Variants in PPP1R10 observed in about 807,000 individuals in gnomAD.
The protein encoded by PPP1R10 is protein phosphatase 1 regulatory subunit 10.
PPP1R10 carries 15 observed loss-of-function variants against 99.0 expected under a neutral mutation model. The ratio of observed to expected loss-of-function variants is 0.15; its 90% CI spans 0.10 to 0.23. The LOEUF (loss-of-function observed/expected upper bound fraction) is 0.23. Among genes scored for constraint, PPP1R10 ranks in the 10% least tolerant of loss-of-function variants. The probability of loss-of-function intolerance (pLI) is 1.00; values close to 1 mark genes in which losing one functional copy is unlikely to be tolerated. For synonymous variants in PPP1R10, 430 were observed against 449.5 expected (o/e 0.96, Z 0.55); for missense variants, 947 against 1,259.4 (o/e 0.75, Z 3.75).
chr6:30,604,308 C>CA lies in PPP1R10; in HGVS notation c.1261+44dup. 1 of 1,613,646 alleles carries CA rather than the reference C, an allele frequency of 6.2e-7. No homozygotes were observed. The highest frequency in any genetic ancestry group is 8.5e-7 in the Non-Finnish European group (1 of 1,179,576). Reference sequence around the variant, plus strand: ...GAAAGTAAGCACAACCAAGTCCTTTCAAAATCCCTTAAACACACCTATTAC... The same window carrying CA: ...GAAAGTAAGCACAACCAAGTCCTTTCAAAAATCCCTTAAACACACCTATTAC... On this transcript the variant is annotated intron_variant, in intron 13 of 19. Coordinates refer to ENST00000376511, the MANE Select transcript of PPP1R10 (RefSeq NM_002714.4). This position sits in a 1 kb window ranked among gnomAD's most constrained non-coding sequence, Gnocchi z 7.3.
chr6:30,606,033 T>A lies in PPP1R10; in HGVS notation c.743A>T (p.Asn248Ile). The change falls in exon 10 of 20, where the codon AAC becomes ATC. Residue 248 changes from asparagine to isoleucine, a missense_variant and splice_region_variant. Physicochemically the swap from Asn to Ile is moderately radical, Grantham distance 149 (BLOSUM62 -3). Coordinates refer to ENST00000376511, the MANE Select transcript of PPP1R10 (RefSeq NM_002714.4). The surrounding 1 kb of genome is among the most constrained non-coding windows in gnomAD (Gnocchi z 6.3). ...AGTGGCATCTCCTGGAGCAGCTACG[T>A]TGCTGTCAGAAGAGGAACTGTCATC... ...LKPIPLKRQS[N>I]VAAPGDATPP... 6.2e-7 allele frequency: 1 copy of A among 1,613,970 alleles called. No individual in the cohort carries two copies. The highest frequency in any genetic ancestry group is 1.1e-5 in the South Asian group (1 of 91,078).
Position 30,603,464 on chromosome 6 carries a change from G to A in PPP1R10, c.1767+8C>T, listed in dbSNP as rs1803586100. ...CAGAAGGTGGAAAAGGGGAAGGAGG[G>A]TGCGTACCATGATGGAGGTGAGGAT... On this transcript the variant is annotated splice_region_variant and intron_variant, in intron 16 of 19. Transcript: ENST00000376511. 6.2e-7 allele frequency: 1 copy of A among 1,604,484 alleles called. No individual in the cohort carries two copies. Among genetic ancestry groups the A allele is most frequent in the Non-Finnish European group, 8.5e-7 (1 of 1,174,462 alleles).
chr6:30,602,209 G>A lies in PPP1R10; in HGVS notation c.2440C>T (p.Arg814Cys), dbSNP rs1241814266. ...CCTCCGCCAGGGCCTTCATGGGGAC[G>A]ATGGCCACTGCCACCACTGATGCCA... is the stretch of plus-strand genomic sequence containing the variant. ...GGGISGGSGH[R>C]PHEGPGGGMG... Residue 814 changes from arginine to cysteine, a missense_variant, in exon 19 of 20, where the codon CGT (arginine) becomes TGT (cysteine). By Grantham distance (180) the Arg-to-Cys change is radical. This residue lies in a region of PPP1R10 where 525 missense variants were observed against 578.8 expected (regional missense o/e 0.91). Coordinates refer to ENST00000376511, the MANE Select transcript of PPP1R10 (RefSeq NM_002714.4). This position sits in a 1 kb window ranked among gnomAD's most constrained non-coding sequence, Gnocchi z 6.7. 2.9e-5 allele frequency: 46 copies of A among 1,610,532 alleles called. No homozygotes were observed. The East Asian group carries it at 7.6e-4, about 27-fold the overall frequency.
chr6:30,610,117 T>C (rs539031816), intron 2 of PPP1R10, among the ~76,000 whole-genome samples, 162 bp from the exon 3 acceptor site: 1 of 152,250 alleles, frequency 6.6e-6, no homozygotes, highest in African/African-American at 2.4e-5. Flanking sequence ...CACAGACCAC[T>C]TGCCACTACT....
In PPP1R10 at chr6:30,606,950, T is replaced by C. The variant is rs1804014893; in HGVS notation, c.383-94A>G. On this transcript the variant is annotated intron_variant, in intron 6 of 19. Coordinates refer to ENST00000376511, the MANE Select transcript of PPP1R10 (RefSeq NM_002714.4). This position sits in a 1 kb window ranked among gnomAD's most constrained non-coding sequence, Gnocchi z 6.3. ...GAGGTTTGAGAAAATATTGTGAAAA[T>C]TTATGTAACGGAGAAAGTAACCCAA... 8.5e-7 allele frequency: 1 copy of C among 1,170,080 alleles called. No individual in the cohort carries two copies. The highest frequency in any genetic ancestry group is 1.2e-6 in the Non-Finnish European group (1 of 806,814). 72.5% of individuals were successfully genotyped at this position (1,170,080 alleles called of 1,614,324 possible).
intron 17 of PPP1R10, 94 bp downstream of exon 17, chr6:30,603,116 G>A (rs1479829922): frequency 2.0e-6 from 3 of 1,478,402 alleles, no homozygotes; most frequent in Non-Finnish European, 2.8e-6. Context: ...AGTGGCCACA[G>A]CCCTGTATTC....
In PPP1R10 at chr6:30,605,914, T is replaced by C; in HGVS notation, c.853+9A>G. On this transcript the variant is annotated intron_variant, in intron 10 of 19. Transcript: ENST00000376511. ...AATTCAAAGTACATCTTCCCCACTT[T>C]AGACTCACGCTGTGGCGGGATGATC... The C allele has an allele frequency of 6.2e-7, 1 of 1,607,240 alleles. No homozygotes were observed. The highest frequency in any genetic ancestry group is 8.5e-7 in the Non-Finnish European group (1 of 1,174,074).
chr6:30,616,290 A>T (rs552358067), intron 2 of PPP1R10, among the ~76,000 whole-genome samples, 188 bp downstream of exon 2: 47 of 152,312 alleles, frequency 3.1e-4, no homozygotes, highest in African/African-American at 1.1e-3. Flanking sequence ...GATAGGTGGT[A>T]GGGGAGAGAG....
rs754751836 is a variant in PPP1R10 at position 30,602,161 on chromosome 6, G to A, written c.2488C>T (p.Arg830Cys). The change falls in exon 19 of 20, where the codon CGC becomes TGC. Residue 830 changes from arginine to cysteine, a missense_variant. Coordinates refer to ENST00000376511, the MANE Select transcript of PPP1R10 (RefSeq NM_002714.4). The surrounding 1 kb of genome is among the most constrained non-coding windows in gnomAD (Gnocchi z 6.7). The stretch of plus-strand genomic sequence containing the variant: ...CTTCCGCCAGGGCCTTCGTGGGGGC[G>A]ATGTCCACCACCGGCACCCATTCCT... ...GGGMGAGGGH[R>C]PHEGPGGSMG... 35 of 1,610,478 alleles carry A rather than the reference G, an allele frequency of 2.2e-5. No homozygotes were observed. The South Asian group carries it at 2.6e-4, about 12-fold the overall frequency.
rs1025007119 is a variant in PPP1R10, at chr6:30,601,984, C to T, written c.2665G>A (p.Gly889Arg). 7 of 1,513,778 alleles carry T rather than the reference C, an allele frequency of 4.6e-6. No individual in the cohort carries two copies. Among genetic ancestry groups the T allele is most frequent in the South Asian group, 2.7e-5 (2 of 74,946 alleles). 93.8% of individuals were successfully genotyped at this position (1,513,778 alleles called of 1,614,324 possible). A position where few individuals can be genotyped will look rare whatever the true frequency, so the allele number is the denominator to read the frequency against. The change falls in exon 19 of 20, where the codon GGG becomes AGG. Residue 889 changes from glycine (G) to arginine (R), a missense_variant. Physicochemically the swap from Gly to Arg is moderately radical, Grantham distance 125. Around this residue, in one of 10 missense-constraint regions of PPP1R10, gnomAD observed 525 missense variants for 578.8 expected, o/e 0.91. Transcript: ENST00000376511. Reference sequence around the variant, plus strand: ...TCGTGCCCTCGGTGGCCCCCTCCCCCGTGGCCAGGACCATCATGGCCACGG... The same window carrying T: ...TCGTGCCCTCGGTGGCCCCCTCCCCTGTGGCCAGGACCATCATGGCCACGG... Reference protein sequence around the residue: ...EHRGHDGPGHGGGGHRGHDGG... With the variant: ...EHRGHDGPGHRGGGHRGHDGG...
chr6:30,610,656 G>A (rs1437054553), intron 2 of PPP1R10, among the ~76,000 whole-genome samples: 2 of 152,184 alleles, frequency 1.3e-5, no homozygotes, highest in African/African-American at 4.8e-5. Context: ...TCACTCATTA[G>A]CCAAACACTA....
Position 30,603,811 on chromosome 6 carries a change from G to C in PPP1R10, c.1541C>G (p.Pro514Arg). 6.5e-7 allele frequency: 1 copy of C among 1,539,852 alleles called. No homozygotes were observed. Among genetic ancestry groups the C allele is most frequent in the Non-Finnish European group, 8.7e-7 (1 of 1,145,282 alleles). ...TAGGGGGATGAGTTTAGGGGGTATG[G>C]GCTCGTAGGGCTCAGGATCAGGCTC... is the stretch of plus-strand genomic sequence containing the variant. ...PHEPDPEPYE[P>R]IPPKLIPLDE... The change falls in exon 15 of 20, where the codon CCC becomes CGC. Residue 514 changes from proline (P) to arginine (R), a missense_variant. By Grantham distance (103) the Pro-to-Arg change is moderately radical. Coordinates refer to ENST00000376511, the MANE Select transcript of PPP1R10 (RefSeq NM_002714.4).
At chr6:30,608,658 ATTTT>A in intron 5 of PPP1R10, 117 bp downstream of exon 5, 1 of 1,260,286 alleles carries the variant, frequency 7.9e-7, no homozygotes, top group Non-Finnish European at 1.1e-6. Flanking sequence ...CTAAATTCCT[ATTTT>A]TTTTCTGCTG....
intron 19 of PPP1R10, 132 bp downstream of exon 19, chr6:30,601,804 T>C: frequency 7.6e-7 from 1 of 1,317,242 alleles, no homozygotes; most frequent in Non-Finnish European, 1.0e-6. Flanking sequence ...GGAACTGCTA[T>C]GCATACTAGG....
intron 2 of PPP1R10, among the ~76,000 whole-genome samples, chr6:30,614,078 A>G (rs572929343): frequency 2.0e-5 from 3 of 152,296 alleles, no homozygotes; most frequent in Non-Finnish European, 4.4e-5. Flanking sequence ...TTAAAATTAT[A>G]TGGAGAGTCT....
At position 30,601,996 on chromosome 6, in the gene PPP1R10, C is replaced by T. The variant is rs1034119939; in HGVS notation, c.2653G>A (p.Gly885Ser). Residue 885 changes from glycine (G) to serine (S), a missense_variant, in exon 19 of 20, where the codon GGT (glycine) becomes AGT (serine). Transcript: ENST00000376511. Reference sequence around the variant, plus strand: ...TGGCCCCCTCCCCCGTGGCCAGGACCATCATGGCCACGGTGCTCATGAGGT... The same window carrying T: ...TGGCCCCCTCCCCCGTGGCCAGGACTATCATGGCCACGGTGCTCATGAGGT... ...PPPHEHRGHD[G>S]PGHGGGGHRG... 6.6e-7 allele frequency: 1 copy of T among 1,518,060 alleles called. No homozygotes were observed. 94.0% of individuals were successfully genotyped at this position (1,518,060 alleles called of 1,614,324 possible).
Position 30,609,462 on chromosome 6 carries a change from T to C in PPP1R10, c.108-299A>G, listed in dbSNP as rs1230982468. ...GCTATCCCTCAACAACTGTCCCTAA[T>C]AGTCTGTTCAAGACTGGCTTAGTTA... On this transcript the variant is annotated intron_variant, in intron 3 of 19. Coordinates refer to ENST00000376511, the MANE Select transcript of PPP1R10 (RefSeq NM_002714.4). This position sits in a 1 kb window ranked among gnomAD's most constrained non-coding sequence, Gnocchi z 4.5. Among the ~76,000 whole-genome samples, 1 of 152,192 alleles carries C rather than the reference T, an allele frequency of 6.6e-6. No individual in the cohort carries two copies. The highest frequency in any genetic ancestry group is 6.5e-5 in the Admixed American group (1 of 15,278).
Position 30,604,837 on chromosome 6 carries a change from A to C in PPP1R10, c.955-102T>G. ...CAGTCCCCCAACAGTTCCTATATAA[A>C]GGAAGACTCTGTCTCCACAATGTCT... On this transcript the variant is annotated intron_variant, in intron 11 of 19. Coordinates refer to ENST00000376511, the MANE Select transcript of PPP1R10 (RefSeq NM_002714.4). This position sits in a 1 kb window ranked among gnomAD's most constrained non-coding sequence, Gnocchi z 7.3. The C allele has an allele frequency of 6.4e-7, 1 of 1,559,568 alleles. No homozygotes were observed. Among genetic ancestry groups the C allele is most frequent in the East Asian group, 2.2e-5 (1 of 44,610 alleles).
rs1410088232 is a variant in PPP1R10, at chr6:30,609,827, TAA to T, written c.107+9_107+10del. 6.2e-7 allele frequency: 1 copy of T among 1,605,110 alleles called. No individual in the cohort carries two copies. Among genetic ancestry groups the T allele is most frequent in the Admixed American group, 1.7e-5 (1 of 59,986 alleles). On this transcript the variant is annotated intron_variant, in intron 3 of 19. Transcript: ENST00000376511. The surrounding 1 kb of genome is among the most constrained non-coding windows in gnomAD (Gnocchi z 4.5). The stretch of plus-strand genomic sequence containing the variant: ...TACTCACAGTGAATACAAAAAGGGG[TAA>T]AGACTCACCTGAAGATCTTGGAAAT...
Sources: allele counts gnomAD v4.1 joint callset (sites outside exome capture counted in the v4.1 genomes callset), GRCh38; gene constraint gnomAD v4.1.1; regional missense constraint gnomAD v4.1.1; non-coding constraint Gnocchi (gnomAD v3.1); transcripts MANE v1.5; gene names NCBI Gene and HGNC (gene_info 2026-07-23, HGNC 2026-07-21).